TSHZ2: variants seen among roughly 807,000 people sequenced by gnomAD.
TSHZ2 encodes teashirt homolog 2.
In TSHZ2, 21 loss-of-function variants were observed where a neutral mutation model predicts 74.4. The ratio of observed to expected loss-of-function variants is 0.28; its 90% CI spans 0.20 to 0.41. The LOEUF is 0.41. Among genes scored for constraint, TSHZ2 ranks in the 10% least tolerant of loss-of-function variants. TSHZ2 has a pLI of 1.00. For missense variants in TSHZ2, 1,244 were observed against 1,293.5 expected (o/e 0.96, Z 0.59); for synonymous variants, 540 against 515.3 (o/e 1.05, Z -0.65).
intron 1 of TSHZ2, among the ~76,000 whole-genome samples, chr20:53,126,037 G>A (rs1315797813): frequency 6.6e-6 from 1 of 152,164 alleles, no homozygotes; most frequent in Non-Finnish European, 1.5e-5. Context: ...TGTTTTAAAT[G>A]CACATTTATG....
chr20:53,325,949 T>C (rs570896168), intron 2 of TSHZ2, among the ~76,000 whole-genome samples: 1 of 151,978 alleles, frequency 6.6e-6, no homozygotes, highest in Non-Finnish European at 1.5e-5. Flanking sequence ...GCCCAGCTAA[T>C]TTTTTGTATT....
intron 2 of TSHZ2, among the ~76,000 whole-genome samples, chr20:53,366,729 C>T (rs1981275503): frequency 6.6e-6 from 1 of 152,252 alleles, no homozygotes; most frequent in African/African-American, 2.4e-5. Flanking sequence ...ATAGACCACA[C>T]TCTGTTCCAT....
chr20:53,165,093 GTGGATGGATGGA>G (rs536305001), intron 1 of TSHZ2, among the ~76,000 whole-genome samples: 3 of 151,832 alleles, frequency 2.0e-5, no homozygotes, highest in Non-Finnish European at 4.4e-5. Context: ...GGATGGAAGG[GTGGATGGATGGA>G]TGGATGGATG....
intron 2 of TSHZ2, among the ~76,000 whole-genome samples, chr20:53,272,720 A>G (rs1990865481): frequency 6.6e-6 from 1 of 152,188 alleles, no homozygotes; most frequent in Admixed American, 6.5e-5. Flanking sequence ...CGTAGAAAGG[A>G]CTAACACTCT....
intron 1 of TSHZ2, among the ~76,000 whole-genome samples, chr20:53,250,191 G>A (rs1990293632): frequency 6.6e-6 from 1 of 152,146 alleles, no homozygotes; most frequent in Non-Finnish European, 1.5e-5. Flanking sequence ...AATCAACAAG[G>A]AAGTTCTATA....
intron 2 of TSHZ2, among the ~76,000 whole-genome samples, chr20:53,305,298 C>G (rs1249873339): frequency 1.3e-5 from 2 of 152,184 alleles, no homozygotes; most frequent in Non-Finnish European, 2.9e-5. Flanking sequence ...CTGCCCCCAT[C>G]CATCTAGGTA....
In TSHZ2 at chr20:53,394,761, CAA is replaced by C. The variant is rs3042185; in HGVS notation, c.*9-92365_*9-92364del. Reference sequence around the variant, plus strand: ...GCAAACATCACTAATCAATCTGTCTCAAAAAAAAAAAAAAAAAAACTGTTCTT... The same window carrying C: ...GCAAACATCACTAATCAATCTGTCTCAAAAAAAAAAAAAAAAACTGTTCTT... On this transcript the variant is annotated intron_variant, in intron 2 of 2. Coordinates refer to ENST00000371497, the MANE Select transcript of TSHZ2 (RefSeq NM_173485.6). Among the ~76,000 whole-genome samples the C allele has an allele frequency of 4.8e-4, 35 of 72,336 alleles. 1 individual carries two copies. The highest frequency in any genetic ancestry group is 1.9e-3 in the Admixed American group (10 of 5,398). 47.5% of individuals were successfully genotyped at this position (72,336 alleles called of 152,430 possible). A position where few individuals can be genotyped will look rare whatever the true frequency, so the allele number is the denominator to read the frequency against.
intron 2 of TSHZ2, among the ~76,000 whole-genome samples, chr20:53,323,187 G>A (rs1979341353): frequency 6.6e-6 from 1 of 152,144 alleles, no homozygotes; most frequent in South Asian, 2.1e-4. Flanking sequence ...TGTGTTCTTG[G>A]ACCCCAAGCC....
At chr20:53,092,371 C>T (rs985557593) in intron 1 of TSHZ2, among the ~76,000 whole-genome samples, 7 of 152,102 alleles carry the variant, frequency 4.6e-5, no homozygotes, top group African/African-American at 1.7e-4. Flanking sequence ...CACTAGCCAC[C>T]AGATGATGTT....
intron 1 of TSHZ2, among the ~76,000 whole-genome samples, chr20:53,104,148 C>G (rs1225332292): frequency 1.3e-5 from 2 of 151,514 alleles, no homozygotes; most frequent in African/African-American, 4.9e-5. Flanking sequence ...CTGCTGGGGA[C>G]ATTGACCACT....
At chr20:53,241,026 A>G (rs1270976470) in intron 1 of TSHZ2, among the ~76,000 whole-genome samples, 1 of 152,160 alleles carries the variant, frequency 6.6e-6, no homozygotes. Flanking sequence ...ACAACAGCCA[A>G]TTTGGTACTA....
intron 2 of TSHZ2, among the ~76,000 whole-genome samples, chr20:53,295,431 T>TGC (rs10635454): frequency 0.23 from 35,127 of 151,956 alleles, 4,150 homozygotes; most frequent in Middle Eastern, 0.26. Flanking sequence ...TGTGTGTGTG[T>TGC]GCACGTGTAT....
intron 2 of TSHZ2, among the ~76,000 whole-genome samples, chr20:53,261,365 T>C (rs1358152965): frequency 6.6e-6 from 1 of 152,222 alleles, no homozygotes; most frequent in African/African-American, 2.4e-5. Flanking sequence ...CAGGCAATTA[T>C]ACATTTGCCA....
intron 1 of TSHZ2, among the ~76,000 whole-genome samples, chr20:53,176,278 C>T (rs79466778): frequency 0.013 from 2,017 of 152,282 alleles, 51 homozygotes; most frequent in African/African-American, 0.046. Flanking sequence ...AAGAATGCCT[C>T]ATAGACTGAA....
chr20:53,029,703 C>T (rs1399683512), intron 1 of TSHZ2, among the ~76,000 whole-genome samples: 1 of 152,070 alleles, frequency 6.6e-6, no homozygotes, highest in African/African-American at 2.4e-5. Context: ...GGATAAACCA[C>T]AGTTATGCAA....
intron 1 of TSHZ2, among the ~76,000 whole-genome samples, chr20:53,068,387 T>C (rs1985063565): frequency 6.6e-6 from 1 of 152,134 alleles, no homozygotes; most frequent in Admixed American, 6.6e-5. Flanking sequence ...CCACTGGACT[T>C]CTCTGTTTTT....
intron 1 of TSHZ2, among the ~76,000 whole-genome samples, chr20:53,190,158 T>G (rs1988704439): frequency 7.5e-6 from 1 of 133,644 alleles, no homozygotes. Context: ...TGCCTCTGTT[T>G]CTTTTTGTAT....
chr20:53,419,532 G>A (rs896665993), intron 2 of TSHZ2, among the ~76,000 whole-genome samples: 1 of 152,160 alleles, frequency 6.6e-6, no homozygotes, highest in African/African-American at 2.4e-5. Context: ...CATTTTACAG[G>A]TAAGAAAGGT....
intron 1 of TSHZ2, among the ~76,000 whole-genome samples, chr20:53,136,828 A>G (rs1290392235): frequency 1.3e-5 from 2 of 152,102 alleles, no homozygotes; most frequent in African/African-American, 4.8e-5. Context: ...GAAGGGGAAA[A>G]GAGATGTTTG....
Sources: gnomAD v4.1 joint callset for allele counts (sites outside exome capture counted in the v4.1 genomes callset) on GRCh38, gnomAD v4.1.1 for gene constraint, MANE v1.5 for transcripts, NCBI Gene and HGNC (gene_info 2026-07-23, HGNC 2026-07-21) for gene names.